Variants in LRRC61 observed in about 807,000 individuals in gnomAD.
LRRC61 encodes the protein leucine-rich repeat-containing protein 61.
LRRC61 carries 9 observed loss-of-function variants against 15.1 expected under a neutral mutation model. The observed-to-expected ratio is 0.60, with a 90% CI of 0.36 to 1.04. The LOEUF (loss-of-function observed/expected upper bound fraction) is 1.04. Ranked by LOEUF, LRRC61 falls within the 50% of genes least tolerant of loss-of-function variation. LRRC61 has a pLI of 0.01. For missense variants in LRRC61, 344 were observed against 335.6 expected (o/e 1.03, Z -0.20); for synonymous variants, 173 against 158.6 (o/e 1.09, Z -0.68).
intron 1 of LRRC61, among the ~76,000 whole-genome samples, chr7:150,324,857 TG>T (rs1016353674): frequency 2.6e-5 from 4 of 152,176 alleles, no homozygotes; most frequent in Non-Finnish European, 4.4e-5. Context: ...CCCCACTTCC[TG>T]CTGTACCGCC....
In LRRC61 at chr7:150,333,162, C is replaced by T. The variant is rs1043417742; in HGVS notation, c.-144-3556C>T. Among the ~76,000 whole-genome samples the T allele has an allele frequency of 1.3e-5, 2 of 152,072 alleles. No individual in the cohort carries two copies. The highest frequency in any genetic ancestry group is 4.8e-5 in the African/African-American group (2 of 41,398). On this transcript the variant is annotated intron_variant, in intron 2 of 2. Coordinates refer to ENST00000359623, the MANE Select transcript of LRRC61 (RefSeq NM_001142928.2). The surrounding 1 kb of genome is among the most constrained non-coding windows in gnomAD (Gnocchi z 4.3). ...CCTAGAATGGTGAGGCAGCGAGGCT[C>T]GGGAGAAGAACGTGAGAAGATTGGG...
rs763031842 is a variant in LRRC61 at position 150,337,412 on chromosome 7, G to A, written c.551G>A (p.Arg184His). The A allele has an allele frequency of 1.2e-5, 20 of 1,605,606 alleles. No individual in the cohort carries two copies. In the East Asian group the frequency reaches 1.6e-4, roughly 13 times the overall value. ...TGCCGAGACCTGGACAGCTCCTTGC[G>A]TCCCAGCTCCAGTCCAGGCCCCAGA... ...QLCRDLDSSL[R>H]PSSSPGPRAT... Residue 184 changes from arginine (R) to histidine (H), a missense_variant, in exon 3 of 3, where the codon CGT becomes CAT. Arg to His is a conservative substitution (Grantham distance 29). Transcript: ENST00000359623.
At chr7:150,312,685 T>A in the LRRC61 span, among the ~76,000 whole-genome samples, 1 of 152,166 alleles carries the variant, frequency 6.6e-6, no homozygotes, top group East Asian at 1.9e-4. Context: ...CTTTAAGGTG[T>A]CCATGCAGTC....
chr7:150,323,640 T>A (rs1403984324), intron 1 of LRRC61, 80 bp downstream of exon 1: 1 of 455,446 alleles, frequency 2.2e-6, no homozygotes, highest in South Asian at 1.5e-5. Flanking sequence ...GGCCACCTGC[T>A]GGGCCAGCGG....
the LRRC61 span, among the ~76,000 whole-genome samples, chr7:150,311,241 G>A: frequency 3.9e-5 from 6 of 152,138 alleles, no homozygotes; most frequent in East Asian, 3.9e-4. Context: ...ACCTTTTTCC[G>A]TCCACACAGC....
the LRRC61 span, among the ~76,000 whole-genome samples, chr7:150,311,025 C>T: frequency 1.3e-5 from 2 of 152,182 alleles, no homozygotes; most frequent in African/African-American, 4.8e-5. Context: ...GACCACCAAA[C>T]AACAACTCCT....
intron 2 of LRRC61, among the ~76,000 whole-genome samples, chr7:150,326,973 C>T (rs1797975713): frequency 6.6e-6 from 1 of 152,170 alleles, no homozygotes; most frequent in South Asian, 2.1e-4. Context: ...TGCCACTTAA[C>T]CCTTCTGAGG....
intron 2 of LRRC61, among the ~76,000 whole-genome samples, chr7:150,336,225 G>C (rs1563228965): frequency 6.6e-6 from 1 of 152,232 alleles, no homozygotes; most frequent in Admixed American, 6.5e-5. Context: ...ATTGCTGTTA[G>C]AAAGAATTGC....
the LRRC61 span, among the ~76,000 whole-genome samples, chr7:150,315,996 G>C: frequency 6.6e-6 from 1 of 152,156 alleles, no homozygotes; most frequent in Admixed American, 6.5e-5. Flanking sequence ...TCAGGAGTTC[G>C]AGACCAGCCT....
intron 2 of LRRC61, 67 bp from the exon 3 acceptor site, chr7:150,336,651 C>T: frequency 1.6e-6 from 1 of 633,924 alleles, no homozygotes; most frequent in South Asian, 2.0e-5. Context: ...CAGGGTCAGA[C>T]TCCCTGCCGT....
the LRRC61 span, among the ~76,000 whole-genome samples, chr7:150,317,176 C>A: frequency 1.3e-5 from 2 of 151,960 alleles, no homozygotes; most frequent in African/African-American, 4.8e-5. Context: ...CTCAGCCTCC[C>A]AAGTAGCTGG....
Position 150,337,660 on chromosome 7 carries a change from G to T in LRRC61, c.*19G>T. On this transcript the variant is annotated 3_prime_UTR_variant, in exon 3 of 3. Transcript: ENST00000359623. ...CTTCTGAACGTGGCCTATGGCCCAG[G>T]ACAGCCTGGCAGGTGGCCTCGCTGC... is the stretch of plus-strand genomic sequence containing the variant. 6.6e-7 allele frequency: 1 copy of T among 1,518,286 alleles called. No homozygotes were observed. The highest frequency in any genetic ancestry group is 1.3e-5 in the South Asian group (1 of 75,330). 94.1% of individuals were successfully genotyped at this position (1,518,286 alleles called of 1,614,324 possible).
In LRRC61 at chr7:150,337,665, C is replaced by T. The variant is rs1210631642; in HGVS notation, c.*24C>T. The T allele has an allele frequency of 1.1e-5, 17 of 1,516,780 alleles. No homozygotes were observed. The highest frequency in any genetic ancestry group is 1.4e-5 in the African/African-American group (1 of 71,770). 94.0% of individuals were successfully genotyped at this position (1,516,780 alleles called of 1,614,324 possible). ...GAACGTGGCCTATGGCCCAGGACAGCCTGGCAGGTGGCCTCGCTGCCCCCA... is the reference window on the plus strand; with the variant it reads ...GAACGTGGCCTATGGCCCAGGACAGTCTGGCAGGTGGCCTCGCTGCCCCCA... On this transcript the variant is annotated 3_prime_UTR_variant, in exon 3 of 3. Transcript: ENST00000359623.
Position 150,323,360 on chromosome 7 carries a change from C to G in LRRC61, c.-515C>G, listed in dbSNP as rs539969493. On this transcript the variant is annotated 5_prime_UTR_variant, in exon 1 of 3. Transcript: ENST00000359623. Reference sequence around the variant, plus strand: ...GCCCCCTGGGCGCGTTCCGGGAGCTCAGGCCTGCGGCGCTGGGAGAAGCAC... The same window carrying G: ...GCCCCCTGGGCGCGTTCCGGGAGCTGAGGCCTGCGGCGCTGGGAGAAGCAC... 2.4e-4 allele frequency: 68 copies of G among 283,936 alleles called. No homozygotes were observed. Among genetic ancestry groups the G allele is most frequent in the African/African-American group, 1.4e-3 (61 of 42,188 alleles). 17.6% of individuals were successfully genotyped at this position (283,936 alleles called of 1,614,324 possible). A position where few individuals can be genotyped will look rare whatever the true frequency, so the allele number is the denominator to read the frequency against.
intron 2 of LRRC61, among the ~76,000 whole-genome samples, chr7:150,334,486 C>A (rs1209773132): frequency 6.6e-6 from 1 of 152,158 alleles, no homozygotes; most frequent in Non-Finnish European, 1.5e-5. Flanking sequence ...GGTGCCTGCT[C>A]CTGGAGAGAG....
intron 2 of LRRC61, among the ~76,000 whole-genome samples, chr7:150,328,242 C>T (rs551299138): frequency 7.2e-4 from 109 of 152,164 alleles, no homozygotes; most frequent in Non-Finnish European, 1.3e-3. Context: ...GGAAGGGGAA[C>T]ACAAAGAAAG....
chr7:150,318,701 G>A (rs1353177907), upstream of LRRC61, among the ~76,000 whole-genome samples: 2 of 152,134 alleles, frequency 1.3e-5, no homozygotes, highest in African/African-American at 2.4e-5. Flanking sequence ...AGCCGAGATC[G>A]CACCACTGCG....
At chr7:150,317,998 T>C in the LRRC61 span, among the ~76,000 whole-genome samples, 1 of 152,104 alleles carries the variant, frequency 6.6e-6, no homozygotes, top group Non-Finnish European at 1.5e-5. Context: ...CTTGTTTTAG[T>C]AGATTTGGGG....
At chr7:150,326,141 C>T (rs1056925654) in intron 2 of LRRC61, 131 bp downstream of exon 2, 1 of 152,270 alleles carries the variant, frequency 6.6e-6, no homozygotes, top group Non-Finnish European at 1.5e-5. Flanking sequence ...TCCCCCTGGT[C>T]TAATGATGAG....
Sources: gnomAD v4.1 joint callset for allele counts (sites outside exome capture counted in the v4.1 genomes callset) on GRCh38, gnomAD v4.1.1 for gene constraint, Gnocchi (gnomAD v3.1) non-coding constraint, MANE v1.5 for transcripts, NCBI Gene and HGNC (gene_info 2026-07-23, HGNC 2026-07-21) for gene names.